Variants in TTC28 observed in about 807,000 individuals in gnomAD.
TTC28 encodes tetratricopeptide repeat domain 28, also known as tetratricopeptide repeat protein 28.
Under a neutral mutation model 198.0 loss-of-function variants are expected in TTC28, and 61 were observed. That is an observed-to-expected ratio of 0.31 (90% confidence interval 0.25 to 0.38). The LOEUF (loss-of-function observed/expected upper bound fraction) is 0.38, where lower values mean the gene tolerates loss of function less well. Among genes scored for constraint, TTC28 ranks in the 10% least tolerant of loss-of-function variants. The pLI is 1.00. For missense variants in TTC28, 2,678 were observed against 3,164.0 expected (o/e 0.85, Z 3.69); for synonymous variants, 1,171 against 1,297.8 (o/e 0.90, Z 2.10).
intron 1 of TTC28, among the ~76,000 whole-genome samples, chr22:28,635,966 C>T (rs1297352087): frequency 6.6e-6 from 1 of 151,908 alleles, no homozygotes; most frequent in Non-Finnish European, 1.5e-5. Flanking sequence ...TTCTCACACC[C>T]TTGTCCCCTG....
At chr22:28,138,365 C>A (rs144625196) in intron 6 of TTC28, among the ~76,000 whole-genome samples, 8 of 152,190 alleles carry the variant, frequency 5.3e-5, no homozygotes, top group Non-Finnish European at 1.2e-4. Flanking sequence ...TTTTCAAATG[C>A]TCCAATAAAT....
At chr22:28,398,440 G>A (rs889658101) in intron 2 of TTC28, among the ~76,000 whole-genome samples, 2 of 152,188 alleles carry the variant, frequency 1.3e-5, no homozygotes, top group Non-Finnish European at 2.9e-5. Flanking sequence ...TTAGAAGCAT[G>A]AGCATAAAGA....
chr22:28,644,014 G>C (rs540669489), intron 1 of TTC28, among the ~76,000 whole-genome samples: 1 of 152,310 alleles, frequency 6.6e-6, no homozygotes, highest in East Asian at 1.9e-4. Flanking sequence ...GTATGCAGTA[G>C]AGGTGATTCA....
At chr22:28,084,027 G>A (rs1307833733) in intron 12 of TTC28, among the ~76,000 whole-genome samples, 1 of 152,246 alleles carries the variant, frequency 6.6e-6, no homozygotes, top group Non-Finnish European at 1.5e-5. Flanking sequence ...CTCAAACTGG[G>A]TGGAGCCCAC....
intron 5 of TTC28, among the ~76,000 whole-genome samples, chr22:28,270,888 CA>C (rs1347899459): frequency 6.6e-6 from 1 of 152,064 alleles, no homozygotes; most frequent in African/African-American, 2.4e-5. Flanking sequence ...ACAAACAAAA[CA>C]AAAGCCACTG....
intron 5 of TTC28, among the ~76,000 whole-genome samples, chr22:28,265,857 A>T (rs557491656): frequency 6.6e-6 from 1 of 152,262 alleles, no homozygotes; most frequent in Non-Finnish European, 1.5e-5. Context: ...GAGGAAGCCT[A>T]AATATTTCAG....
intron 2 of TTC28, among the ~76,000 whole-genome samples, chr22:28,367,221 A>T (rs2046261894): frequency 6.6e-6 from 1 of 152,116 alleles, no homozygotes; most frequent in Non-Finnish European, 1.5e-5. Context: ...TCAAAAAAAA[A>T]TTGAAATAAT....
At chr22:28,525,801 A>G (rs1034792733) in intron 2 of TTC28, among the ~76,000 whole-genome samples, 3 of 152,218 alleles carry the variant, frequency 2.0e-5, no homozygotes, top group African/African-American at 7.2e-5. Flanking sequence ...GAATCAACTG[A>G]CCTATTAAAA....
At chr22:28,472,788 A>G (rs2146303503) in intron 2 of TTC28, among the ~76,000 whole-genome samples, 1 of 152,282 alleles carries the variant, frequency 6.6e-6, no homozygotes, top group Middle Eastern at 3.4e-3. Flanking sequence ...TAGATAGAAA[A>G]GGCCCACCAA....
At chr22:28,517,338 T>C (rs1023708254) in intron 2 of TTC28, among the ~76,000 whole-genome samples, 2 of 152,152 alleles carry the variant, frequency 1.3e-5, no homozygotes, top group Non-Finnish European at 2.9e-5. Flanking sequence ...TAAAAATTAG[T>C]AAGTCCTAAA....
intron 2 of TTC28, among the ~76,000 whole-genome samples, chr22:28,531,029 T>C (rs995005758): frequency 3.3e-5 from 5 of 152,150 alleles, no homozygotes; most frequent in Non-Finnish European, 7.3e-5. Flanking sequence ...GCTGACATCA[T>C]AATGACAGGA....
At position 27,993,529 on chromosome 22, in the gene TTC28, A is replaced by G. The variant is rs1937490513; in HGVS notation, c.5245-11T>C. ...CAGGGATTTCTCCACCTGAGGGGGA[A>G]TTGGGGGTGAGTCAGAGACCCAGGC... On this transcript the variant is annotated splice_polypyrimidine_tract_variant and intron_variant, in intron 17 of 22. Coordinates refer to ENST00000397906, the MANE Select transcript of TTC28 (RefSeq NM_001145418.2). The G allele has an allele frequency of 1.3e-6, 2 of 1,534,452 alleles. No homozygotes were observed. The highest frequency in any genetic ancestry group is 8.8e-7 in the Non-Finnish European group (1 of 1,135,416).
At chr22:28,592,160 GGAGA>G (rs2050446140) in intron 2 of TTC28, among the ~76,000 whole-genome samples, 2 of 152,068 alleles carry the variant, frequency 1.3e-5, no homozygotes, top group South Asian at 4.2e-4. Flanking sequence ...TGGGGGACCT[GGAGA>G]GACAGGGTCT....
intron 2 of TTC28, among the ~76,000 whole-genome samples, chr22:28,563,355 A>G (rs2049921250): frequency 6.6e-6 from 1 of 152,194 alleles, no homozygotes; most frequent in African/African-American, 2.4e-5. Flanking sequence ...ATTTAAATCA[A>G]AAGTCTTCTA....
chr22:28,307,868 T>C (rs2045176985), intron 2 of TTC28, among the ~76,000 whole-genome samples: 1 of 152,040 alleles, frequency 6.6e-6, no homozygotes, highest in African/African-American at 2.4e-5. Flanking sequence ...TTCAAACTCT[T>C]AAAACTACCA....
chr22:28,485,972 G>A (rs1431717544), intron 2 of TTC28, among the ~76,000 whole-genome samples: 2 of 152,138 alleles, frequency 1.3e-5, no homozygotes, highest in Admixed American at 1.3e-4. Context: ...TTTAAGTAAG[G>A]AGCTATTGTG....
At chr22:28,028,010 A>C (rs1406667830) in intron 13 of TTC28, among the ~76,000 whole-genome samples, 3 of 152,260 alleles carry the variant, frequency 2.0e-5, no homozygotes, top group Non-Finnish European at 4.4e-5. Flanking sequence ...GATGAAGGCC[A>C]GAACCCCCCT....
chr22:28,375,394 A>C (rs1378910459), intron 2 of TTC28, among the ~76,000 whole-genome samples: 1 of 152,208 alleles, frequency 6.6e-6, no homozygotes, highest in African/African-American at 2.4e-5. Context: ...CTGCAGATTA[A>C]TAAAAGGGAA....
At position 28,152,877 on chromosome 22, in the gene TTC28, C is replaced by T. The variant is rs1393554298; in HGVS notation, c.1441+10215G>A. On this transcript the variant is annotated intron_variant, in intron 6 of 22. Transcript: ENST00000397906. Reference sequence around the variant, plus strand: ...TGTATAACAATTAAAATGTAAAAAACATTAAAGAGAGTTATTGCTATATTA... The same window carrying T: ...TGTATAACAATTAAAATGTAAAAAATATTAAAGAGAGTTATTGCTATATTA... Among the ~76,000 whole-genome samples the T allele has an allele frequency of 4.6e-5, 7 of 152,028 alleles. No homozygotes were observed. The South Asian group carries it at 6.2e-4, about 13-fold the overall frequency.
Sources: allele counts gnomAD v4.1 joint callset (sites outside exome capture counted in the v4.1 genomes callset), GRCh38; gene constraint gnomAD v4.1.1; transcripts MANE v1.5; gene names NCBI Gene and HGNC (gene_info 2026-07-23, HGNC 2026-07-21).